LTBP4: variants seen among roughly 807,000 people sequenced by gnomAD.
The protein encoded by LTBP4 is latent transforming growth factor beta binding protein 4.
Under a neutral mutation model 180.2 loss-of-function variants are expected in LTBP4, and 93 were observed. That is an observed-to-expected ratio of 0.52 (90% CI 0.44 to 0.61). LTBP4 has a LOEUF of 0.61. Among genes scored for constraint, LTBP4 ranks in the 20% least tolerant of loss-of-function variants. The pLI is 0.00. For synonymous variants in LTBP4, 947 were observed against 934.5 expected (o/e 1.01, Z -0.24); for missense variants, 2,116 against 2,256.5 (o/e 0.94, Z 1.26).
chr19:40,611,317 G>A lies in LTBP4; in HGVS notation c.1976G>A (p.Cys659Tyr), dbSNP rs1324611787. Residue 659 changes from cysteine (C) to tyrosine (Y), a missense_variant, in exon 13 of 30, where the codon TGT (cysteine) becomes TAT (tyrosine). Coordinates refer to ENST00000396819, the MANE Select transcript of LTBP4 (RefSeq NM_001042545.2). The surrounding 1 kb of genome is among the most constrained non-coding windows in gnomAD (Gnocchi z 4.4). ...QEPPPCGPGR[C>Y]DNTAGSFHCA... Reference sequence around the variant, plus strand: ...CCGCCGCCCTGTGGGCCCGGCCGCTGTGACAACACGGCAGGCTCCTTTCAC... The same window carrying A: ...CCGCCGCCCTGTGGGCCCGGCCGCTATGACAACACGGCAGGCTCCTTTCAC... 1 of 1,612,208 alleles carries A rather than the reference G, an allele frequency of 6.2e-7. No homozygotes were observed. The highest frequency in any genetic ancestry group is 2.2e-5 in the East Asian group (1 of 44,844).
Position 40,629,391 on chromosome 19 carries a change from C to A in LTBP4, c.4520-5C>A. 1 of 1,612,818 alleles carries A rather than the reference C, an allele frequency of 6.2e-7. No homozygotes were observed. On this transcript the variant is annotated splice_polypyrimidine_tract_variant and splice_region_variant and intron_variant, in intron 29 of 29. Coordinates refer to ENST00000396819, the MANE Select transcript of LTBP4 (RefSeq NM_001042545.2). The surrounding 1 kb of genome is among the most constrained non-coding windows in gnomAD (Gnocchi z 4.5). ...TCAGCAGCGATCGTTGTCTCCCCTC[C>A]GCAGACATCAACGAGTGTGATGAGG...
chr19:40,612,281 C>T, intron 15 of LTBP4, 89 bp downstream of exon 15: 1 of 1,472,848 alleles, frequency 6.8e-7, no homozygotes, highest in Non-Finnish European at 9.1e-7. Flanking sequence ...GCCGTAACCT[C>T]CTGACCTGGA....
rs535922845 is a variant in LTBP4 at position 40,629,047 on chromosome 19, A to G, written c.4520-349A>G. On this transcript the variant is annotated intron_variant, in intron 29 of 29. Coordinates refer to ENST00000396819, the MANE Select transcript of LTBP4 (RefSeq NM_001042545.2). This position sits in a 1 kb window ranked among gnomAD's most constrained non-coding sequence, Gnocchi z 4.5. ...GTATTCTTAGTAGAGACGGGGTCTCACCATGTTGGCCAGGTTCGTCTCGAA... is the reference window on the plus strand; with the variant it reads ...GTATTCTTAGTAGAGACGGGGTCTCGCCATGTTGGCCAGGTTCGTCTCGAA... Among the ~76,000 whole-genome samples the G allele has an allele frequency of 1.1e-4, 17 of 152,086 alleles. No individual in the cohort carries two copies. Among genetic ancestry groups the G allele is most frequent in the Middle Eastern group, 3.4e-3 (1 of 294 alleles).
intron 26 of LTBP4, among the ~76,000 whole-genome samples, 163 bp from the exon 27 acceptor site, chr19:40,625,694 A>G (rs1375070268): frequency 1.3e-5 from 2 of 151,894 alleles, no homozygotes; most frequent in Non-Finnish European, 2.9e-5. Flanking sequence ...TCAATCCAGA[A>G]CCCTGGAGTG....
intron 19 of LTBP4, 118 bp downstream of exon 19, chr19:40,614,564 C>G: frequency 7.7e-7 from 1 of 1,292,006 alleles, no homozygotes; most frequent in South Asian, 1.4e-5. Flanking sequence ...AAAGAACACC[C>G]TCTCACCGTA....
chr19:40,611,716 G>A lies in LTBP4; in HGVS notation c.2054-143G>A, dbSNP rs1239987018. 1.5e-6 allele frequency: 2 copies of A among 1,293,602 alleles called. No homozygotes were observed. Among genetic ancestry groups the A allele is most frequent in the Non-Finnish European group, 2.1e-6 (2 of 955,724 alleles). 80.1% of individuals were successfully genotyped at this position (1,293,602 alleles called of 1,614,324 possible). A position where few individuals can be genotyped will look rare whatever the true frequency, so the allele number is the denominator to read the frequency against. ...GACCATTGAATGGGGACACGAGGAAGGTGTCTGTCTTCCTGGGAAGAGGGA... is the reference window on the plus strand; with the variant it reads ...GACCATTGAATGGGGACACGAGGAAAGTGTCTGTCTTCCTGGGAAGAGGGA... On this transcript the variant is annotated intron_variant, in intron 13 of 29. Transcript: ENST00000396819. This position sits in a 1 kb window ranked among gnomAD's most constrained non-coding sequence, Gnocchi z 4.4.
rs376506632 is a variant in LTBP4 at position 40,609,853 on chromosome 19, C to A, written c.1666C>A (p.Arg556=). Residue 556 remains arginine, a synonymous_variant, in exon 11 of 30, where the codon CGG becomes AGG. Transcript: ENST00000396819. The surrounding 1 kb of genome is among the most constrained non-coding windows in gnomAD (Gnocchi z 4.9). ...VCGPGFRAGP[R]AAECLDVDEC... ...CGGCCCGGGCTTCCGAGCCGGCCCA[C>A]GGGCTGCGGAATGCCTGGGTGAGAA... 3 of 1,586,392 alleles carry A rather than the reference C, an allele frequency of 1.9e-6. No homozygotes were observed. Among genetic ancestry groups the A allele is most frequent in the Non-Finnish European group, 2.6e-6 (3 of 1,165,036 alleles).
rs2081590416 is a variant in LTBP4, at chr19:40,622,183, G to A, written c.3218-218G>A. ...CTGTTAGCTGCAGTGACGGGAAAGTGTGAGGTGGGGAGGCAAGAGATGCAG... is the reference window on the plus strand; with the variant it reads ...CTGTTAGCTGCAGTGACGGGAAAGTATGAGGTGGGGAGGCAAGAGATGCAG... On this transcript the variant is annotated intron_variant, in intron 22 of 29. Transcript: ENST00000396819. The surrounding 1 kb of genome is among the most constrained non-coding windows in gnomAD (Gnocchi z 5.1). Among the ~76,000 whole-genome samples the A allele has an allele frequency of 1.3e-5, 2 of 152,224 alleles. No individual in the cohort carries two copies. The highest frequency in any genetic ancestry group is 1.5e-5 in the Non-Finnish European group (1 of 68,038).
chr19:40,600,108 CG>C (rs1224783474), upstream of LTBP4: 6 of 1,258,606 alleles, frequency 4.8e-6, no homozygotes, highest in South Asian at 3.7e-5. This position sits in a 1 kb window ranked among gnomAD's most constrained non-coding sequence, Gnocchi z 4.4. Context: ...GCGGCGGCCC[CG>C]GGGGCCAGGG....
upstream of LTBP4, chr19:40,600,018 G>C (rs2098061558): frequency 1.0e-6 from 1 of 990,682 alleles, no homozygotes; most frequent in Non-Finnish European, 1.3e-6. The surrounding 1 kb of genome is among the most constrained non-coding windows in gnomAD (Gnocchi z 4.4). Context: ...CTTTGGTGGG[G>C]AGGTCAGTTT....
rs781061848 is a variant in LTBP4, at chr19:40,629,429, C to G, written c.4553C>G (p.Ser1518Cys). ...GAGTGTGATGAGGCCGAGGCTGCCT[C>G]CCCGCTGTGCGTCAACGCGCGTTGC... ...INECDEAEAA[S>C]PLCVNARCLN... Residue 1518 changes from serine (S) to cysteine (C), a missense_variant, in exon 30 of 30, where the codon TCC becomes TGC. Transcript: ENST00000396819. This position sits in a 1 kb window ranked among gnomAD's most constrained non-coding sequence, Gnocchi z 4.5. The G allele has an allele frequency of 1.8e-5, 29 of 1,612,810 alleles. No homozygotes were observed. The highest frequency in any genetic ancestry group is 2.3e-5 in the Non-Finnish European group (27 of 1,179,550).
rs111948061 is a variant in LTBP4 at position 40,615,196 on chromosome 19, G to GGT, written c.2812+751_2812+752insTG. 18 of 146,608 alleles carry GGT rather than the reference G, an allele frequency of 1.2e-4. 3 individuals carry two copies. Among genetic ancestry groups the GGT allele is most frequent in the East Asian group, 4.0e-4 (2 of 5,030 alleles). 9.1% of individuals were successfully genotyped at this position (146,608 alleles called of 1,614,324 possible). ...AGTATATATTTTTTTGTGTCGGCGG[G>GGT]GGGGGGGGGGCGGTGATGGTGTGTG... On this transcript the variant is annotated intron_variant, in intron 19 of 29. Coordinates refer to ENST00000396819, the MANE Select transcript of LTBP4 (RefSeq NM_001042545.2).
Position 40,629,587 on chromosome 19 carries a change from A to G in LTBP4, c.*37A>G. Reference sequence around the variant, plus strand: ...CGCTGGCCGCCCACCCGCGCCCGCCACTCGGGGCCCCTGCCGCGCATCCTG... The same window carrying G: ...CGCTGGCCGCCCACCCGCGCCCGCCGCTCGGGGCCCCTGCCGCGCATCCTG... On this transcript the variant is annotated 3_prime_UTR_variant, in exon 30 of 30. Coordinates refer to ENST00000396819, the MANE Select transcript of LTBP4 (RefSeq NM_001042545.2). The surrounding 1 kb of genome is among the most constrained non-coding windows in gnomAD (Gnocchi z 4.5). The G allele has an allele frequency of 7.4e-7, 1 of 1,342,994 alleles. No individual in the cohort carries two copies. Among genetic ancestry groups the G allele is most frequent in the Non-Finnish European group, 9.5e-7 (1 of 1,049,570 alleles). 83.2% of individuals were successfully genotyped at this position (1,342,994 alleles called of 1,614,324 possible).
upstream of LTBP4, chr19:40,600,324 C>T (rs1331670940): frequency 4.9e-6 from 2 of 407,408 alleles, no homozygotes; most frequent in Admixed American, 8.8e-5. This position sits in a 1 kb window ranked among gnomAD's most constrained non-coding sequence, Gnocchi z 4.4. Flanking sequence ...TCTAGGGACC[C>T]CAGCGTCCGG....
Position 40,611,100 on chromosome 19 carries a change from G to A in LTBP4, c.1811-52G>A, listed in dbSNP as rs1438217966. ...GAGGGTGGAAAGCCAAAGTGACAGA[G>A]GTCAGGGAGGCAGAGGGGAACAAGT... is the stretch of plus-strand genomic sequence containing the variant. On this transcript the variant is annotated intron_variant, in intron 12 of 29. Transcript: ENST00000396819. The surrounding 1 kb of genome is among the most constrained non-coding windows in gnomAD (Gnocchi z 4.4). 1.9e-6 allele frequency: 3 copies of A among 1,606,006 alleles called. No individual in the cohort carries two copies. The highest frequency in any genetic ancestry group is 1.7e-6 in the Non-Finnish European group (2 of 1,173,752).
upstream of LTBP4, among the ~76,000 whole-genome samples, chr19:40,596,464 G>T (rs1036884663): frequency 6.6e-6 from 1 of 152,156 alleles, no homozygotes; most frequent in African/African-American, 2.4e-5. Flanking sequence ...GATACCCTCT[G>T]GGGGCGGCGA....
Position 40,605,890 on chromosome 19 carries a change from T to C in LTBP4, c.793+59T>C. On this transcript the variant is annotated intron_variant, in intron 4 of 29. Coordinates refer to ENST00000396819, the MANE Select transcript of LTBP4 (RefSeq NM_001042545.2). This position sits in a 1 kb window ranked among gnomAD's most constrained non-coding sequence, Gnocchi z 5.5. ...CTGGGGAGTGGTGACAACCTCACCGTTCCTCCTACTCTGCCCTAGATAAAC... is the reference window on the plus strand; with the variant it reads ...CTGGGGAGTGGTGACAACCTCACCGCTCCTCCTACTCTGCCCTAGATAAAC... 1 of 1,488,058 alleles carries C rather than the reference T, an allele frequency of 6.7e-7. No individual in the cohort carries two copies. Among genetic ancestry groups the C allele is most frequent in the East Asian group, 2.5e-5 (1 of 40,454 alleles). The allele number at this position is 1,488,058 out of a possible 1,614,324, so 92.2% of individuals were successfully genotyped here. A position where few individuals can be genotyped will look rare whatever the true frequency, so the allele number is the denominator to read the frequency against.
At chr19:40,610,733 T>G in intron 12 of LTBP4, 76 bp downstream of exon 12, 2 of 1,496,622 alleles carry the variant, frequency 1.3e-6, no homozygotes, top group African/African-American at 2.8e-5. Context: ...CCAGAGAGAC[T>G]GAACAATAGG....
At position 40,622,216 on chromosome 19, in the gene LTBP4, A is replaced by G. The variant is rs1240383899; in HGVS notation, c.3218-185A>G. Among the ~76,000 whole-genome samples, 1 of 152,212 alleles carries G rather than the reference A, an allele frequency of 6.6e-6. No individual in the cohort carries two copies. Among genetic ancestry groups the G allele is most frequent in the Non-Finnish European group, 1.5e-5 (1 of 68,040 alleles). On this transcript the variant is annotated intron_variant, in intron 22 of 29. Coordinates refer to ENST00000396819, the MANE Select transcript of LTBP4 (RefSeq NM_001042545.2). This position sits in a 1 kb window ranked among gnomAD's most constrained non-coding sequence, Gnocchi z 5.1. ...GGGAGGCAAGAGATGCAGAAATGAC[A>G]GGAGGTGACAGTGGGAGAAAGAGAA...
Sources: allele counts gnomAD v4.1 joint callset (sites outside exome capture counted in the v4.1 genomes callset), GRCh38; gene constraint gnomAD v4.1.1; non-coding constraint Gnocchi (gnomAD v3.1); transcripts MANE v1.5; gene names NCBI Gene and HGNC (gene_info 2026-07-23, HGNC 2026-07-21).